The following B3GLCT variants were observed in gnomAD, a reference collection of about 807,000 sequenced individuals.
B3GLCT encodes beta 3-glucosyltransferase.
A neutral mutation model predicts 63.4 loss-of-function variants in B3GLCT; 65 were observed. The observed-to-expected ratio is 1.03, with a 90% CI of 0.84 to 1.26. The LOEUF (loss-of-function observed/expected upper bound fraction) is 1.26. Among genes scored for constraint, B3GLCT ranks in the 50% most tolerant of loss-of-function variants. B3GLCT has a pLI of 0.00. For missense variants in B3GLCT, 577 were observed against 604.8 expected (o/e 0.95, Z 0.48); for synonymous variants, 233 against 219.2 (o/e 1.06, Z -0.55).
At chr13:31,258,980 A>AT (rs1297604852) in intron 6 of B3GLCT, among the ~76,000 whole-genome samples, 4 of 149,918 alleles carry the variant, frequency 2.7e-5, no homozygotes, top group African/African-American at 9.8e-5. Context: ...TTTTTTTCTT[A>AT]TATCAGTCTG....
intron 12 of B3GLCT, among the ~76,000 whole-genome samples, chr13:31,295,387 C>T (rs1210569363): frequency 6.6e-6 from 1 of 152,122 alleles, no homozygotes; most frequent in African/African-American, 2.4e-5. Context: ...CAGGCATGAA[C>T]GTTTAAGTCT....
chr13:31,218,173 T>G (rs1037311190), intron 2 of B3GLCT, among the ~76,000 whole-genome samples: 4 of 151,438 alleles, frequency 2.6e-5, no homozygotes, highest in Non-Finnish European at 5.9e-5. Flanking sequence ...GGTGTTTTAT[T>G]CTTTTTGTGG....
intron 12 of B3GLCT, 54 bp downstream of exon 12, chr13:31,286,873 C>A: frequency 1.6e-6 from 2 of 1,258,802 alleles, no homozygotes; most frequent in South Asian, 1.3e-5. Flanking sequence ...TATTCATATT[C>A]AAAAAACTAG....
chr13:31,323,384 TAAAG>T (rs1358709549), intron 13 of B3GLCT, among the ~76,000 whole-genome samples: 1 of 152,240 alleles, frequency 6.6e-6, no homozygotes, highest in Non-Finnish European at 1.5e-5. Context: ...AGTTTTGCCT[TAAAG>T]AAAGTCTTTG....
In B3GLCT at chr13:31,212,248, C is replaced by T. The variant is rs1869300422; in HGVS notation, c.71-2803C>T. On this transcript the variant is annotated intron_variant, in intron 1 of 14. Coordinates refer to ENST00000343307, the MANE Select transcript of B3GLCT (RefSeq NM_194318.4). ...CTTCCTAACTAGCTGGGATGACAGG[C>T]ATGCTCTAGCATAACTGGCTTTTTT... 2.0e-5 allele frequency among the ~76,000 whole-genome samples: 3 copies of T among 147,200 alleles called. No homozygotes were observed. In the Admixed American group the frequency reaches 2.0e-4, roughly 10 times the overall value.
At chr13:31,202,225 T>G (rs1277181011) in intron 1 of B3GLCT, among the ~76,000 whole-genome samples, 2 of 152,212 alleles carry the variant, frequency 1.3e-5, no homozygotes, top group East Asian at 3.8e-4. Flanking sequence ...TGTTTATATT[T>G]TTAGAGAAAA....
chr13:31,285,481 A>G (rs1310137786), intron 11 of B3GLCT, among the ~76,000 whole-genome samples: 2 of 152,082 alleles, frequency 1.3e-5, no homozygotes, highest in African/African-American at 4.8e-5. Flanking sequence ...AATTGTGTCA[A>G]AAAATGGAAG....
intron 4 of B3GLCT, among the ~76,000 whole-genome samples, chr13:31,233,269 A>G (rs1367753637): frequency 6.6e-6 from 1 of 152,116 alleles, no homozygotes; most frequent in South Asian, 2.1e-4. Flanking sequence ...AGAAGAGTAG[A>G]AAAAAAATTA....
At chr13:31,276,548 A>G (rs1364580676) in intron 9 of B3GLCT, among the ~76,000 whole-genome samples, 154 bp from the exon 10 acceptor site, 1 of 152,126 alleles carries the variant, frequency 6.6e-6, no homozygotes, top group Non-Finnish European at 1.5e-5. Flanking sequence ...CAGCTGACCT[A>G]TGTTTCCATT....
At chr13:31,324,811 C>T (rs905006836) in intron 14 of B3GLCT, among the ~76,000 whole-genome samples, 8 of 152,026 alleles carry the variant, frequency 5.3e-5, no homozygotes, top group Admixed American at 3.3e-4. Flanking sequence ...TTCAAATGAT[C>T]CTCTTGCCTT....
At chr13:31,222,700 T>C (rs1433015798) in intron 2 of B3GLCT, among the ~76,000 whole-genome samples, 1 of 152,224 alleles carries the variant, frequency 6.6e-6, no homozygotes, top group Non-Finnish European at 1.5e-5. Flanking sequence ...GCTCAATCAA[T>C]TGACTTGCCC....
At chr13:31,258,162 CTT>C (rs2137825511) in intron 6 of B3GLCT, among the ~76,000 whole-genome samples, 1 of 152,282 alleles carries the variant, frequency 6.6e-6, no homozygotes, top group East Asian at 1.9e-4. Context: ...CATGTACTCT[CTT>C]ATGTTAAGCT....
In B3GLCT at chr13:31,281,122, G is replaced by T. The variant is rs114148408; in HGVS notation, c.851-3526G>T. 5.7e-3 allele frequency among the ~76,000 whole-genome samples: 866 copies of T among 152,148 alleles called. 11 individuals carry two copies. Among genetic ancestry groups the T allele is most frequent in the African/African-American group, 0.02 (833 of 41,492 alleles). Reference sequence around the variant, plus strand: ...GTGTACATGTCTCATGTACCTCGTGGCAGCCACTGGTTTTGTTCATCAAAT... The same window carrying T: ...GTGTACATGTCTCATGTACCTCGTGTCAGCCACTGGTTTTGTTCATCAAAT... On this transcript the variant is annotated intron_variant, in intron 10 of 14. Coordinates refer to ENST00000343307, the MANE Select transcript of B3GLCT (RefSeq NM_194318.4).
intron 4 of B3GLCT, among the ~76,000 whole-genome samples, chr13:31,241,602 T>C (rs1273428298): frequency 6.6e-6 from 1 of 152,196 alleles, no homozygotes; most frequent in Non-Finnish European, 1.5e-5. Context: ...AGTTGCTGTA[T>C]GAATCAGTAC....
intron 12 of B3GLCT, among the ~76,000 whole-genome samples, chr13:31,289,405 T>C (rs748551929): frequency 4.4e-4 from 67 of 152,166 alleles, no homozygotes; most frequent in Admixed American, 2.6e-4. Flanking sequence ...GTGATCTTCA[T>C]GTAAATACAT....
At chr13:31,281,095 T>C (rs903660408) in intron 10 of B3GLCT, among the ~76,000 whole-genome samples, 4 of 152,178 alleles carry the variant, frequency 2.6e-5, no homozygotes, top group Admixed American at 2.6e-4. Context: ...TCCATGCAGT[T>C]TGTGTACATG....
At chr13:31,239,812 A>T (rs1008472729) in intron 4 of B3GLCT, among the ~76,000 whole-genome samples, 6 of 152,126 alleles carry the variant, frequency 3.9e-5, no homozygotes, top group Admixed American at 3.9e-4. Context: ...TCTCCAGAGG[A>T]ACTTTACGTA....
chr13:31,254,479 C>G (rs987828888), intron 6 of B3GLCT, among the ~76,000 whole-genome samples: 2 of 152,182 alleles, frequency 1.3e-5, no homozygotes, highest in African/African-American at 4.8e-5. Flanking sequence ...ATGCTAAAAA[C>G]TCTCAATAAA....
intron 11 of B3GLCT, among the ~76,000 whole-genome samples, chr13:31,285,858 G>C (rs1034421536): frequency 6.6e-6 from 1 of 151,980 alleles, no homozygotes; most frequent in Non-Finnish European, 1.5e-5. Context: ...TACCTTATTT[G>C]ATGTCTTCAT....
Sources: allele counts gnomAD v4.1 joint callset (sites outside exome capture counted in the v4.1 genomes callset), GRCh38; gene constraint gnomAD v4.1.1; transcripts MANE v1.5; gene names NCBI Gene and HGNC (gene_info 2026-07-23, HGNC 2026-07-21).